Variants in RIF1 observed in about 807,000 individuals in gnomAD.
RIF1 encodes the protein telomere-associated protein RIF1.
RIF1 carries 45 observed loss-of-function variants against 247.1 expected under a neutral mutation model. The observed-to-expected ratio is 0.18, with a 90% CI of 0.14 to 0.23. RIF1 has a LOEUF of 0.23. Ranked by LOEUF, RIF1 falls within the 10% of genes least tolerant of loss-of-function variation. RIF1 has a pLI of 1.00. For missense variants in RIF1, 2,967 were observed against 2,862.5 expected (o/e 1.04, Z -0.83); for synonymous variants, 1,087 against 978.8 (o/e 1.11, Z -2.06).
At position 151,462,933 on chromosome 2, in the gene RIF1, A is replaced by G; in HGVS notation, c.3413A>G (p.Asp1138Gly). 1 of 1,612,960 alleles carries G rather than the reference A, an allele frequency of 6.2e-7. No individual in the cohort carries two copies. The highest frequency in any genetic ancestry group is 8.5e-7 in the Non-Finnish European group (1 of 1,179,680). The change falls in exon 30 of 36, where the codon GAC becomes GGC. Residue 1138 changes from aspartate (D) to glycine (G), a missense_variant. Around this residue, in one of 7 missense-constraint regions of RIF1, gnomAD observed 2,028 missense variants for 1,825.6 expected, o/e 1.11. Transcript: ENST00000444746. ...GTCATTCCTCAAGATGTCACGGAAGACTGTGGTATGGCTGAACATCTTGAA... is the reference window on the plus strand; with the variant it reads ...GTCATTCCTCAAGATGTCACGGAAGGCTGTGGTATGGCTGAACATCTTGAA... ...DIVIPQDVTE[D>G]CGMAEHLEKS...
chr2:151,497,954 T>G, intron 10 of RIF1: 1 of 1,439,512 alleles, frequency 6.9e-7, no homozygotes, highest in Non-Finnish European at 9.0e-7. Context: ...GTTATTTTTT[T>G]TCATTTTTGT....
rs543329579 is a variant in RIF1, at chr2:151,441,506, G to T, written c.1648-399G>T. Among the ~76,000 whole-genome samples the T allele has an allele frequency of 5.4e-4, 83 of 152,320 alleles. 1 individual carries two copies. The highest frequency in any genetic ancestry group is 1.7e-3 in the African/African-American group (72 of 41,576). ...TAACAAGGTAAAATGAAGGTTAGTT[G>T]CAGAGTTTAATATCATTAGTGATTT... On this transcript the variant is annotated intron_variant, in intron 15 of 35. Transcript: ENST00000444746.
chr2:151,516,344 A>C, the RIF1 span: 1 of 644,282 alleles, frequency 1.6e-6, no homozygotes, highest in Middle Eastern at 2.8e-4. Flanking sequence ...TCACATGATA[A>C]AAAGTTTCAT....
At chr2:151,456,259 A>G (rs1198642179) in intron 22 of RIF1, among the ~76,000 whole-genome samples, 1 of 152,214 alleles carries the variant, frequency 6.6e-6, no homozygotes, top group Non-Finnish European at 1.5e-5. Context: ...AAATCCATGA[A>G]CTTTTCTTTG....
Position 151,440,030 on chromosome 2 carries a change from A to G in RIF1, c.1550A>G (p.Asn517Ser). 6.9e-7 allele frequency: 1 copy of G among 1,458,962 alleles called. No homozygotes were observed. The highest frequency in any genetic ancestry group is 9.4e-7 in the Non-Finnish European group (1 of 1,058,440). The allele number at this position is 1,458,962 out of a possible 1,614,324, so 90.4% of individuals were successfully genotyped here. Residue 517 changes from asparagine to serine, a missense_variant, in exon 15 of 36, where the codon AAC (asparagine) becomes AGC (serine). Coordinates refer to ENST00000444746, the MANE Select transcript of RIF1 (RefSeq NM_018151.5). Reference sequence around the variant, plus strand: ...CCTTCTTTTTGCTTTTTGATAGGTAACAAAAAAGAGAAACCAGGTTCTGAA... The same window carrying G: ...CCTTCTTTTTGCTTTTTGATAGGTAGCAAAAAAGAGAAACCAGGTTCTGAA... ...SLVKSVTESG[N>S]KKEKPGSEVL...
rs1338093963 is a variant in RIF1, at chr2:151,507,994, TA to T, written c.*1298del. The T allele has an allele frequency of 6.3e-7, 1 of 1,589,430 alleles. No homozygotes were observed. The highest frequency in any genetic ancestry group is 8.6e-7 in the Non-Finnish European group (1 of 1,163,826). ...CCTGTGGGCTGTGCCTTACATTTAA[TA>T]AAAACTTACAAGGCTGAAGTTCTTT... On this transcript the variant is annotated 3_prime_UTR_variant and NMD_transcript_variant, in exon 14 of 14. Transcript: ENST00000454583.
chr2:151,529,562 T>C, the RIF1 span, among the ~76,000 whole-genome samples: 1 of 150,882 alleles, frequency 6.6e-6, no homozygotes, highest in East Asian at 2.0e-4. Flanking sequence ...ACAGATTCTC[T>C]CTCTGTCACC....
At chr2:151,441,202 CAAT>C (rs1400698392) in intron 15 of RIF1, among the ~76,000 whole-genome samples, 7 of 152,056 alleles carry the variant, frequency 4.6e-5, no homozygotes, top group South Asian at 2.1e-4. Flanking sequence ...GCCTGGACAA[CAAT>C]GAGACCCTGT....
chr2:151,509,243 G>A (rs542201618), downstream of RIF1, among the ~76,000 whole-genome samples: 10 of 152,214 alleles, frequency 6.6e-5, no homozygotes, highest in Middle Eastern at 6.8e-3. Context: ...CAGATTTTTC[G>A]GAAGAAACGG....
At position 151,436,863 on chromosome 2, in the gene RIF1, G is replaced by A. The variant is rs550389711; in HGVS notation, c.1232G>A (p.Arg411Gln). ...SSPYGAPGTP[R>Q]MNLSSNLGGM... ...CCGTACGGAGCCCCGGGAACTCCCCGAATGAACCTGAGTTCGAATTTAGGT... is the reference window on the plus strand; with the variant it reads ...CCGTACGGAGCCCCGGGAACTCCCCAAATGAACCTGAGTTCGAATTTAGGT... Residue 411 changes from arginine (R) to glutamine (Q), a missense_variant, in exon 12 of 36, where the codon CGA (arginine) becomes CAA (glutamine). Physicochemically the swap from Arg to Gln is conservative, Grantham distance 43. Coordinates refer to ENST00000444746, the MANE Select transcript of RIF1 (RefSeq NM_018151.5). 28 of 1,610,966 alleles carry A rather than the reference G, an allele frequency of 1.7e-5. No homozygotes were observed. The highest frequency in any genetic ancestry group is 1.3e-4 in the East Asian group (6 of 44,730).
chr2:151,433,872 A>G (rs1690643051), intron 10 of RIF1, among the ~76,000 whole-genome samples: 1 of 152,096 alleles, frequency 6.6e-6, no homozygotes, highest in African/African-American at 2.4e-5. Flanking sequence ...GAAAACCAGC[A>G]TCAGTGAAAT....
At chr2:151,512,356 C>T (rs1286823947), downstream of RIF1, among the ~76,000 whole-genome samples, 2 of 149,408 alleles carry the variant, frequency 1.3e-5, no homozygotes, top group Admixed American at 6.7e-5. Context: ...TTTTAAGAGT[C>T]TCACCCTGTC....
intron 13 of RIF1, chr2:151,506,862 T>G (rs1182200439): frequency 8.2e-7 from 1 of 1,221,198 alleles, no homozygotes; most frequent in African/African-American, 1.5e-5. Context: ...AAGAGGAGAG[T>G]GAAATGACTA....
chr2:151,489,734 C>A (rs375817279), intron 9 of RIF1, among the ~76,000 whole-genome samples: 1 of 152,006 alleles, frequency 6.6e-6, no homozygotes, highest in East Asian at 1.9e-4. Flanking sequence ...TGAGCCAAAA[C>A]TGATGCTTTG....
chr2:151,468,573 A>G, intron 32 of RIF1, 22 bp downstream of exon 32: 2 of 1,605,572 alleles, frequency 1.2e-6, no homozygotes, highest in Non-Finnish European at 1.7e-6. Flanking sequence ...TTTAGTTTTC[A>G]TGTCACTTTA....
intron 4 of RIF1, among the ~76,000 whole-genome samples, chr2:151,415,535 C>T (rs562754484): frequency 7.6e-6 from 1 of 130,882 alleles, no homozygotes; most frequent in East Asian, 2.3e-4. Flanking sequence ...CAGAGCTTGC[C>T]ACTGCACTCC....
At chr2:151,420,143 T>C in intron 6 of RIF1, 47 bp from the exon 7 acceptor site, 7 of 1,547,872 alleles carry the variant, frequency 4.5e-6, no homozygotes, top group Non-Finnish European at 6.2e-6. Flanking sequence ...TTGTTTAGAC[T>C]TAAAACATGA....
rs748198906 is a variant in RIF1 at position 151,474,896 on chromosome 2, A to G, written c.7244A>G (p.Lys2415Arg). Residue 2415 changes from lysine to arginine, a missense_variant, in exon 36 of 36, where the codon AAA (lysine) becomes AGA (arginine). Around this residue, in one of 7 missense-constraint regions of RIF1, gnomAD observed 151 missense variants for 163.4 expected, o/e 0.92. Transcript: ENST00000444746. Reference protein sequence around the residue: ...DPVALEIPLSKNLLAQISALA... With the variant: ...DPVALEIPLSRNLLAQISALA... ...GTTGCTTTAGAAATTCCATTATCCA[A>G]AAACCTTCTGGCACAGATTAGTGCT... 2.0e-5 allele frequency: 32 copies of G among 1,602,084 alleles called. No homozygotes were observed. The highest frequency in any genetic ancestry group is 2.7e-5 in the African/African-American group (2 of 74,688).
chr2:151,464,464 T>G lies in RIF1; in HGVS notation c.4944T>G (p.Asn1648Lys). The G allele has an allele frequency of 1.9e-6, 3 of 1,613,656 alleles. No individual in the cohort carries two copies. The highest frequency in any genetic ancestry group is 2.5e-6 in the Non-Finnish European group (3 of 1,179,882). Residue 1648 changes from asparagine to lysine, a missense_variant, in exon 30 of 36, where the codon AAT (asparagine) becomes AAG (lysine). Asn to Lys is a moderately conservative substitution (Grantham distance 94). Around this residue, in one of 7 missense-constraint regions of RIF1, gnomAD observed 2,028 missense variants for 1,825.6 expected, o/e 1.11. Coordinates refer to ENST00000444746, the MANE Select transcript of RIF1 (RefSeq NM_018151.5). ...TGCAAGTTCCTGATGATTTACCAAA[T>G]GTGTGTGAGGAAAAAAATGAAACTA... ...DLLQVPDDLP[N>K]VCEEKNETSK...
Sources: gnomAD v4.1 joint callset for allele counts (sites outside exome capture counted in the v4.1 genomes callset) on GRCh38, gnomAD v4.1.1 for gene constraint, gnomAD v4.1.1 regional missense constraint, MANE v1.5 for transcripts, NCBI Gene and HGNC (gene_info 2026-07-23, HGNC 2026-07-21) for gene names.